Variants in ITIH2 observed in about 807,000 individuals in gnomAD.
ITIH2 encodes the protein inter-alpha-trypsin inhibitor heavy chain 2, also known as inter-alpha-trypsin inhibitor heavy chain H2.
A neutral mutation model predicts 104.4 loss-of-function variants in ITIH2; 103 were observed. The observed-to-expected ratio is 0.99, with a 90% CI of 0.84 to 1.16. ITIH2 has a LOEUF of 1.16. ITIH2 is among the 50% of genes most tolerant of loss of function. ITIH2 has a pLI of 0.00. For synonymous variants in ITIH2, 436 were observed against 435.4 expected, an observed-to-expected ratio of 1.00 and a Z score of -0.02; for missense variants, 1,108 against 1,162.4, an observed-to-expected ratio of 0.95 and a Z score of 0.68.
chr10:7,720,663 G>A (rs11255313), intron 6 of ITIH2, among the ~76,000 whole-genome samples, 193 bp from the exon 7 acceptor site: 1,833 of 152,314 alleles, frequency 0.012, 40 homozygotes, highest in African/African-American at 0.042. Context: ...GTCGACAGAA[G>A]GGGGTTAAGC....
rs146926135 is a variant in ITIH2, at chr10:7,744,177, G to C, written c.2305G>C (p.Glu769Gln). The C allele has an allele frequency of 6.2e-7, 1 of 1,613,840 alleles. No individual in the cohort carries two copies. Among genetic ancestry groups the C allele is most frequent in the African/African-American group, 1.3e-5 (1 of 74,892 alleles). ...AAAACTGGGATTTTATTTCCAAAGT[G>C]AAGACATAAAAATAGAAATCAGCAC... ...FGKLGFYFQS[E>Q]DIKIEISTET... is the part of the protein sequence containing the mutation. The change falls in exon 18 of 21, where the codon GAA becomes CAA. Residue 769 changes from glutamate to glutamine, a missense_variant. Glu to Gln is a conservative substitution (Grantham distance 29, BLOSUM62 2). Transcript: ENST00000358415.
chr10:7,747,741 T>C (rs1392270334), intron 20 of ITIH2, among the ~76,000 whole-genome samples: 2 of 151,780 alleles, frequency 1.3e-5, no homozygotes, highest in Non-Finnish European at 2.9e-5. Flanking sequence ...AAAATAAATA[T>C]AAAAATAATT....
chr10:7,713,403 C>T, intron 5 of ITIH2, 118 bp downstream of exon 5: 1 of 707,564 alleles, frequency 1.4e-6, no homozygotes, highest in South Asian at 1.7e-5. Context: ...CCAATGGCAA[C>T]CTCCTCAGAG....
intron 15 of ITIH2, 95 bp downstream of exon 15, chr10:7,735,186 C>A: frequency 8.6e-7 from 1 of 1,167,000 alleles, no homozygotes; most frequent in Non-Finnish European, 1.2e-6. Flanking sequence ...CCACCCCAGC[C>A]CACCTCTTGC....
chr10:7,737,669 ATTCTATATT>A lies in ITIH2; in HGVS notation c.1958-942_1958-934del, dbSNP rs1392464627. Among the ~76,000 whole-genome samples the A allele has an allele frequency of 3.1e-4, 19 of 62,250 alleles. 3 individuals are homozygous for A. The highest frequency in any genetic ancestry group is 3.3e-4 in the African/African-American group (4 of 12,166). The allele number at this position is 62,250 out of a possible 152,430, so 40.8% of individuals were successfully genotyped here. A position where few individuals can be genotyped will look rare whatever the true frequency, so the allele number is the denominator to read the frequency against. On this transcript the variant is annotated intron_variant, in intron 15 of 20. Coordinates refer to ENST00000358415, the MANE Select transcript of ITIH2 (RefSeq NM_002216.3). The stretch of plus-strand genomic sequence containing the variant: ...TATTCTATATTATATTCTATATTAT[ATTCTATATT>A]TTCTATATTATATTCTATATAATAT...
In ITIH2 at chr10:7,730,027, G is replaced by A; in HGVS notation, c.1355G>A (p.Gly452Asp). Reference sequence around the variant, plus strand: ...GACAATATCTCCTTGTTCAGTTTGGGCATGGGATTTGATGTGGACTATGAT... The same window carrying A: ...GACAATATCTCCTTGTTCAGTTTGGACATGGGATTTGATGTGGACTATGAT... ...IQDNISLFSL[G>D]MGFDVDYDFL... The change falls in exon 12 of 21, where the codon GGC (glycine) becomes GAC (aspartate). Residue 452 changes from glycine (G) to aspartate (D), a missense_variant. Physicochemically the swap from Gly to Asp is moderately conservative, Grantham distance 94. Coordinates refer to ENST00000358415, the MANE Select transcript of ITIH2 (RefSeq NM_002216.3). 1 of 1,612,986 alleles carries A rather than the reference G, an allele frequency of 6.2e-7. No homozygotes were observed. The highest frequency in any genetic ancestry group is 8.5e-7 in the Non-Finnish European group (1 of 1,179,120).
intron 4 of ITIH2, among the ~76,000 whole-genome samples, chr10:7,711,465 T>C (rs1348907682): frequency 6.6e-6 from 1 of 152,202 alleles, no homozygotes; most frequent in Admixed American, 6.5e-5. Context: ...ATGAGCTGTG[T>C]AGACCTATGT....
At chr10:7,706,976 T>C (rs542507544) in intron 2 of ITIH2, among the ~76,000 whole-genome samples, 9 of 152,294 alleles carry the variant, frequency 5.9e-5, no homozygotes, top group African/African-American at 2.2e-4. Context: ...TATCCAAGAA[T>C]GACACACACG....
chr10:7,740,848 T>C (rs900812434), intron 16 of ITIH2, among the ~76,000 whole-genome samples: 5 of 152,198 alleles, frequency 3.3e-5, no homozygotes, highest in Non-Finnish European at 5.9e-5. Context: ...CACTGACCAG[T>C]GTTCTGCCCA....
At chr10:7,714,353 C>T (rs113682227) in intron 5 of ITIH2, among the ~76,000 whole-genome samples, 9,904 of 151,500 alleles carry the variant, frequency 0.065, 338 homozygotes, top group Admixed American at 0.081. Context: ...TTGTATTTTT[C>T]AGTAGAGACG....
At chr10:7,724,217 C>T (rs538158325) in intron 9 of ITIH2, among the ~76,000 whole-genome samples, 1 of 152,040 alleles carries the variant, frequency 6.6e-6, no homozygotes, top group African/African-American at 2.4e-5. Flanking sequence ...AGTCATAGGG[C>T]AACTATTTTT....
chr10:7,713,593 T>A (rs1834817881), intron 5 of ITIH2, among the ~76,000 whole-genome samples: 1 of 152,242 alleles, frequency 6.6e-6, no homozygotes, highest in African/African-American at 2.4e-5. Context: ...GAAATATTGG[T>A]GATCTTGTGA....
intron 9 of ITIH2, 139 bp from the exon 10 acceptor site, chr10:7,726,811 T>G: frequency 1.6e-6 from 1 of 630,074 alleles, no homozygotes. Context: ...TTGACTGAGG[T>G]GGGCTCAAGA....
chr10:7,732,939 G>C (rs1258427563), intron 14 of ITIH2, among the ~76,000 whole-genome samples: 1 of 152,152 alleles, frequency 6.6e-6, no homozygotes, highest in East Asian at 1.9e-4. Flanking sequence ...ATGTTAGCCA[G>C]GATGGTCTCG....
chr10:7,712,737 T>A (rs1728792069), intron 4 of ITIH2, among the ~76,000 whole-genome samples: 1 of 152,246 alleles, frequency 6.6e-6, no homozygotes, highest in Non-Finnish European at 1.5e-5. Context: ...GCCTCCCTTC[T>A]TATTTCTTAT....
intron 7 of ITIH2, among the ~76,000 whole-genome samples, chr10:7,721,403 G>A (rs1302389123): frequency 6.6e-6 from 1 of 152,142 alleles, no homozygotes; most frequent in East Asian, 1.9e-4. Flanking sequence ...CCTTCTACAG[G>A]GGATGAAGGA....
chr10:7,712,557 A>AC (rs1834806094), intron 4 of ITIH2, among the ~76,000 whole-genome samples: 1 of 152,188 alleles, frequency 6.6e-6, no homozygotes, highest in African/African-American at 2.4e-5. Context: ...CAAAGGGGAT[A>AC]CCCAAAGAGA....
chr10:7,704,811 T>C (rs1834729786), intron 1 of ITIH2, among the ~76,000 whole-genome samples: 1 of 151,426 alleles, frequency 6.6e-6, no homozygotes, highest in Non-Finnish European at 1.5e-5. Context: ...CTCAGCAAAG[T>C]AACACAAGAA....
At chr10:7,705,507 A>T (rs774371572) in intron 2 of ITIH2, among the ~76,000 whole-genome samples, 60 of 152,010 alleles carry the variant, frequency 3.9e-4, no homozygotes, top group Admixed American at 2.2e-3. Context: ...GGAGTTCCAG[A>T]TCAGCCTGGG....
Sources: gnomAD v4.1 joint callset for allele counts (sites outside exome capture counted in the v4.1 genomes callset) on GRCh38, gnomAD v4.1.1 for gene constraint, MANE v1.5 for transcripts, NCBI Gene and HGNC (gene_info 2026-07-23, HGNC 2026-07-21) for gene names.